SLC39A6: variants seen among roughly 807,000 people sequenced by gnomAD.
SLC39A6 encodes zinc transporter ZIP6.
A neutral mutation model predicts 63.5 loss-of-function variants in SLC39A6; 51 were observed. That is an observed-to-expected ratio of 0.80 (90% CI 0.64 to 1.01). The LOEUF (loss-of-function observed/expected upper bound fraction) is 1.01, where lower values mean the gene tolerates loss of function less well. Ranked by LOEUF, SLC39A6 falls within the 50% of genes least tolerant of loss-of-function variation. The probability of loss-of-function intolerance (pLI) is 0.00; values close to 1 mark genes in which losing one functional copy is unlikely to be tolerated. For missense variants in SLC39A6, 805 were observed against 927.8 expected (o/e 0.87, Z 1.72); for synonymous variants, 318 against 324.7 (o/e 0.98, Z 0.22).
intron 4 of SLC39A6, among the ~76,000 whole-genome samples, chr18:36,122,480 A>C (rs1211312615): frequency 6.6e-6 from 1 of 152,236 alleles, no homozygotes; most frequent in African/African-American, 2.4e-5. Context: ...CTTCAGATAC[A>C]TTCCCAGTGA....
rs757415911 is a variant in SLC39A6 at position 36,112,476 on chromosome 18, A to G, written c.1924+25T>C. 2.3e-5 allele frequency: 36 copies of G among 1,571,290 alleles called. No individual in the cohort carries two copies. In the East Asian group the frequency reaches 7.2e-4, roughly 31 times the overall value. On this transcript the variant is annotated intron_variant, in intron 8 of 9. Coordinates refer to ENST00000269187, the MANE Select transcript of SLC39A6 (RefSeq NM_012319.4). The stretch of plus-strand genomic sequence containing the variant: ...ACTAGAACATTTCACCCACTTGGCA[A>G]ATACAATTTATGTGGTTCTCTTACC...
chr18:36,116,929 T>G (rs146555584), intron 5 of SLC39A6, 150 bp from the exon 6 acceptor site: 6 of 607,352 alleles, frequency 9.9e-6, no homozygotes, highest in Admixed American at 3.3e-5. Flanking sequence ...CACTATCTCC[T>G]GGGAACTTGT....
chr18:36,112,763 T>C (rs2089310525), intron 7 of SLC39A6, among the ~76,000 whole-genome samples, 182 bp from the exon 8 acceptor site: 1 of 152,222 alleles, frequency 6.6e-6, no homozygotes, highest in African/African-American at 2.4e-5. Flanking sequence ...GGTCTAAATT[T>C]CCCAAAGGAG....
chr18:36,127,915 A>C (rs1305566139), intron 1 of SLC39A6, among the ~76,000 whole-genome samples: 1 of 152,106 alleles, frequency 6.6e-6, no homozygotes, highest in African/African-American at 2.4e-5. Flanking sequence ...CCCAGCCTCA[A>C]ATAAGTGTAT....
At chr18:36,113,870 T>C (rs1332396144) in intron 7 of SLC39A6, among the ~76,000 whole-genome samples, 1 of 152,186 alleles carries the variant, frequency 6.6e-6, no homozygotes, top group Non-Finnish European at 1.5e-5. Flanking sequence ...CTTTTGACAG[T>C]TACAATTTAG....
Position 36,111,470 on chromosome 18 carries a change from A to G in SLC39A6, c.1925-221T>C, listed in dbSNP as rs1598704360. ...TTTTTATTCTTCATCATTCAACTTG[A>G]TGTACAAACTTTTTTTTTTTTTCTT... On this transcript the variant is annotated intron_variant, in intron 8 of 9. Transcript: ENST00000269187. Among the ~76,000 whole-genome samples the G allele has an allele frequency of 2.7e-5, 4 of 146,460 alleles. No individual in the cohort carries two copies. The South Asian group carries it at 8.6e-4, about 31-fold the overall frequency.
intron 9 of SLC39A6, among the ~76,000 whole-genome samples, chr18:36,110,547 T>C (rs1567956247): frequency 6.8e-6 from 1 of 148,130 alleles, no homozygotes; most frequent in Non-Finnish European, 1.5e-5. Flanking sequence ...AAAAAAATGA[T>C]TTTTTTTTTG....
chr18:36,113,402 T>A (rs1202685590), intron 7 of SLC39A6, among the ~76,000 whole-genome samples: 1 of 152,164 alleles, frequency 6.6e-6, no homozygotes, highest in African/African-American at 2.4e-5. Context: ...CCCAGCCGAC[T>A]GTGCAATCGG....
chr18:36,125,026 C>A (rs530392720), intron 2 of SLC39A6, among the ~76,000 whole-genome samples: 4 of 152,138 alleles, frequency 2.6e-5, no homozygotes, highest in Non-Finnish European at 5.9e-5. Flanking sequence ...AGGAAATGAG[C>A]TTTAATTTCA....
chr18:36,124,520 C>A lies in SLC39A6; in HGVS notation c.970G>T (p.Ala324Ser). Reference protein sequence around the residue: ...IPPKTYSLQIAWVGGFIAISI... With the variant: ...IPPKTYSLQISWVGGFIAISI... ...TTTTACATAAAAAAGGCAATTTTAC[C>A]TATTTGTAATGAATAGGTCTTTGGA... is the stretch of plus-strand genomic sequence containing the variant. Residue 324 changes from alanine (A) to serine (S), a missense_variant and splice_region_variant, in exon 3 of 10, where the codon GCC (alanine) becomes TCC (serine). Physicochemically the swap from Ala to Ser is moderately conservative, Grantham distance 99. Coordinates refer to ENST00000269187, the MANE Select transcript of SLC39A6 (RefSeq NM_012319.4). 1 of 1,503,884 alleles carries A rather than the reference C, an allele frequency of 6.6e-7. No homozygotes were observed. The highest frequency in any genetic ancestry group is 9.0e-7 in the Non-Finnish European group (1 of 1,107,942). 93.2% of individuals were successfully genotyped at this position (1,503,884 alleles called of 1,614,324 possible).
chr18:36,111,274 GAA>G (rs774766106), intron 8 of SLC39A6, 25 bp from the exon 9 acceptor site: 4 of 1,602,436 alleles, frequency 2.5e-6, no homozygotes, highest in Non-Finnish European at 3.4e-6. Flanking sequence ...AAAAAAGGAG[GAA>G]AAAGTCATTG....
intron 1 of SLC39A6, among the ~76,000 whole-genome samples, chr18:36,127,852 G>A (rs1470435421): frequency 1.4e-5 from 2 of 147,978 alleles, no homozygotes; most frequent in Non-Finnish European, 3.0e-5. Context: ...GGCCTCAAGA[G>A]ATCCTCCACC....
intron 2 of SLC39A6, 42 bp downstream of exon 2, chr18:36,126,177 G>T: frequency 6.5e-7 from 1 of 1,526,900 alleles, no homozygotes; most frequent in South Asian, 1.1e-5. Context: ...AGACAGGACA[G>T]ACACACAGGT....
At chr18:36,116,601 G>T in intron 6 of SLC39A6, 73 bp downstream of exon 6, 1 of 1,022,612 alleles carries the variant, frequency 9.8e-7, no homozygotes. Flanking sequence ...ATTTCTTCCA[G>T]ATAGTCAAGT....
chr18:36,112,714 G>T, intron 7 of SLC39A6, 133 bp from the exon 8 acceptor site: 2 of 650,294 alleles, frequency 3.1e-6, no homozygotes, highest in Admixed American at 2.7e-5. Context: ...AACCAACTCT[G>T]TATCTTCTTT....
chr18:36,110,992 G>A, intron 9 of SLC39A6, 67 bp downstream of exon 9: 1 of 1,587,800 alleles, frequency 6.3e-7, no homozygotes, highest in African/African-American at 1.4e-5. Flanking sequence ...AAAAAATGAG[G>A]CTTTACCGAA....
At chr18:36,124,845 C>T in intron 2 of SLC39A6, 145 bp from the exon 3 acceptor site, 1 of 607,566 alleles carries the variant, frequency 1.6e-6, no homozygotes. Context: ...CACTTTGGAA[C>T]TTGCCTCCAG....
At chr18:36,124,230 C>T (rs956054991) in intron 3 of SLC39A6, among the ~76,000 whole-genome samples, 93 of 152,150 alleles carry the variant, frequency 6.1e-4, no homozygotes, top group Non-Finnish European at 1.3e-4. Flanking sequence ...CCCAAGACCT[C>T]TTCCCAAGCA....
intron 5 of SLC39A6, among the ~76,000 whole-genome samples, chr18:36,119,483 A>G (rs550040246): frequency 6.6e-6 from 1 of 152,306 alleles, no homozygotes; most frequent in East Asian, 1.9e-4. Context: ...ATACTATTTT[A>G]AAGCAGAGTG....
Sources: allele counts gnomAD v4.1 joint callset (sites outside exome capture counted in the v4.1 genomes callset), GRCh38; gene constraint gnomAD v4.1.1; transcripts MANE v1.5; gene names NCBI Gene and HGNC (gene_info 2026-07-23, HGNC 2026-07-21).